ZC3H12B: variants seen among roughly 807,000 people sequenced by gnomAD.
ZC3H12B encodes the protein zinc finger CCCH-type containing 12B, also known as probable ribonuclease ZC3H12B.
A neutral mutation model predicts 43.9 loss-of-function variants in ZC3H12B; 7 were observed. The ratio of observed to expected loss-of-function variants is 0.16; its 90% CI spans 0.09 to 0.30. ZC3H12B has a LOEUF of 0.30. Among genes scored for constraint, ZC3H12B ranks in the 10% least tolerant of loss-of-function variants. The pLI is 1.00. For synonymous variants in ZC3H12B, 222 were observed against 241.7 expected (o/e 0.92, Z 0.76); for missense variants, 475 against 670.2 (o/e 0.71, Z 3.22).
the ZC3H12B span, among the ~76,000 whole-genome samples, chrX:65,231,756 G>T: frequency 9.0e-6 from 1 of 111,309 alleles, no homozygotes; most frequent in Non-Finnish European, 1.9e-5. Flanking sequence ...GAAAATTGCT[G>T]TTATTCTGTT....
the ZC3H12B span, among the ~76,000 whole-genome samples, chrX:65,358,993 C>T: frequency 9.0e-6 from 1 of 111,574 alleles, no homozygotes; most frequent in Non-Finnish European, 1.9e-5. Context: ...GAAGCCAGTG[C>T]TCATTTTCCA....
intron 3 of ZC3H12B, among the ~76,000 whole-genome samples, chrX:65,453,896 G>A (rs1012567895): frequency 1.4e-4 from 16 of 111,813 alleles, no homozygotes; most frequent in African/African-American, 5.2e-4. Context: ...ATTATACAAT[G>A]GACTTTGGGG....
the ZC3H12B span, among the ~76,000 whole-genome samples, chrX:65,168,399 G>T: frequency 4.5e-5 from 5 of 111,726 alleles, no homozygotes; most frequent in African/African-American, 1.3e-4. Context: ...CTTGATCATG[G>T]TGGATAAGCT....
chrX:65,052,752 A>G, the ZC3H12B span, among the ~76,000 whole-genome samples: 22 of 111,852 alleles, frequency 2.0e-4, no homozygotes, highest in African/African-American at 7.1e-4. Context: ...AGATGTTCAG[A>G]TATCTCTTTG....
At chrX:65,485,297 A>G (rs2068110553), upstream of ZC3H12B, among the ~76,000 whole-genome samples, 1 of 112,632 alleles carries the variant, frequency 8.9e-6, no homozygotes, top group Admixed American at 9.4e-5. Flanking sequence ...TCTGTCACCC[A>G]GGCTGGAGTA....
chrX:65,472,825 G>GAGAT (rs757507906), intron 3 of ZC3H12B, among the ~76,000 whole-genome samples: 2 of 31,562 alleles, frequency 6.3e-5, no homozygotes, highest in East Asian at 9.9e-4. Context: ...CCATACCTTT[G>GAGAT]ATATATATAT....
the ZC3H12B span, among the ~76,000 whole-genome samples, chrX:65,163,358 G>A: frequency 1.8e-5 from 2 of 111,592 alleles, no homozygotes; most frequent in African/African-American, 6.5e-5. Flanking sequence ...GTTTGTCTGT[G>A]CCCTGCCCCC....
the ZC3H12B span, among the ~76,000 whole-genome samples, chrX:65,157,127 G>A: frequency 1.8e-5 from 2 of 110,550 alleles, no homozygotes; most frequent in Admixed American, 1.9e-4. Context: ...GACTAAAGTG[G>A]GCTCCAACAC....
chrX:65,379,715 T>C (rs1288110243), intron 2 of ZC3H12B, among the ~76,000 whole-genome samples: 10 of 111,137 alleles, frequency 9.0e-5, no homozygotes, highest in African/African-American at 3.3e-4. Context: ...TTGAAAAAAA[T>C]TTAGACGAAT....
At chrX:65,252,330 T>C in the ZC3H12B span, among the ~76,000 whole-genome samples, 10 of 111,498 alleles carry the variant, frequency 9.0e-5, no homozygotes, top group African/African-American at 1.6e-4. Context: ...CTGCTGGATT[T>C]GGTTTGCCAG....
At chrX:65,153,714 T>G in the ZC3H12B span, among the ~76,000 whole-genome samples, 6 of 111,931 alleles carry the variant, frequency 5.4e-5, no homozygotes, top group Admixed American at 9.5e-5. Flanking sequence ...ATTTGACCCA[T>G]CCATCCCATT....
intron 3 of ZC3H12B, among the ~76,000 whole-genome samples, chrX:65,412,045 T>A (rs1602399868): frequency 9.0e-6 from 1 of 111,653 alleles, no homozygotes; most frequent in Non-Finnish European, 1.9e-5. Flanking sequence ...TCAGTGGCAT[T>A]TAATGTATTC....
the ZC3H12B span, among the ~76,000 whole-genome samples, chrX:65,265,916 A>G: frequency 9.0e-6 from 1 of 111,670 alleles, no homozygotes; most frequent in Non-Finnish European, 1.9e-5. Context: ...GGTGAGCCCA[A>G]TGTTCACCCT....
At chrX:65,194,074 A>G in the ZC3H12B span, among the ~76,000 whole-genome samples, 1 of 109,418 alleles carries the variant, frequency 9.1e-6, no homozygotes, top group Non-Finnish European at 1.9e-5. Flanking sequence ...CACGGGGGTA[A>G]TGCAGCCCCA....
At chrX:65,046,555 G>A in the ZC3H12B span, among the ~76,000 whole-genome samples, 1 of 112,083 alleles carries the variant, frequency 8.9e-6, no homozygotes, top group Non-Finnish European at 1.9e-5. Flanking sequence ...TCAAGGAAAT[G>A]TGGATGGTTT....
the ZC3H12B span, among the ~76,000 whole-genome samples, chrX:65,253,647 C>A: frequency 8.9e-6 from 1 of 112,173 alleles, no homozygotes; most frequent in South Asian, 3.7e-4. Context: ...GTCTGCTGGC[C>A]TCTTATGGGG....
At chrX:65,302,721 A>G in the ZC3H12B span, among the ~76,000 whole-genome samples, 96 of 112,104 alleles carry the variant, frequency 8.6e-4, no homozygotes, top group African/African-American at 3.1e-3. Context: ...GAAGAACAAG[A>G]AAGTCAGAGG....
At chrX:65,158,990 T>C in the ZC3H12B span, among the ~76,000 whole-genome samples, 31 of 112,170 alleles carry the variant, frequency 2.8e-4, 1 homozygote, top group African/African-American at 9.4e-4. Context: ...TTTCTACATA[T>C]GGCTAGCCAG....
chrX:65,454,067 G>A (rs1051583891), intron 3 of ZC3H12B, among the ~76,000 whole-genome samples: 8 of 112,301 alleles, frequency 7.1e-5, no homozygotes, highest in African/African-American at 9.7e-5. Context: ...CGTGAGTGAC[G>A]CAGAAGACAA....
Sources: allele counts gnomAD v4.1 joint callset (sites outside exome capture counted in the v4.1 genomes callset), GRCh38; gene constraint gnomAD v4.1.1; transcripts MANE v1.5; gene names NCBI Gene and HGNC (gene_info 2026-07-23, HGNC 2026-07-21).